DOCK1: variants seen among roughly 807,000 people sequenced by gnomAD.
The protein encoded by DOCK1 is dedicator of cytokinesis protein 1.
A neutral mutation model predicts 262.7 loss-of-function variants in DOCK1; 138 were observed. That is an observed-to-expected ratio of 0.53 (90% CI 0.46 to 0.61). The LOEUF is 0.61. Ranked by LOEUF, DOCK1 falls within the 20% of genes least tolerant of loss-of-function variation. The probability of loss-of-function intolerance (pLI) is 0.00; values close to 1 mark genes in which losing one functional copy is unlikely to be tolerated. For missense variants in DOCK1, 1,908 were observed against 2,370.7 expected (o/e 0.80, Z 4.05); for synonymous variants, 866 against 867.4 (o/e 1.00, Z 0.03).
chr10:127,282,373 A>G (rs1334221083), intron 29 of DOCK1, among the ~76,000 whole-genome samples: 1 of 152,174 alleles, frequency 6.6e-6, no homozygotes, highest in African/African-American at 2.4e-5. Flanking sequence ...GGACAAAGGC[A>G]TAGACTTGTT....
At chr10:127,107,026 T>C (rs960803317) in intron 24 of DOCK1, among the ~76,000 whole-genome samples, 13 of 152,084 alleles carry the variant, frequency 8.5e-5, no homozygotes, top group African/African-American at 3.1e-4. Context: ...GGCGCGATCA[T>C]AGCTCACTGC....
chr10:127,027,927 T>A (rs1564744404), intron 16 of DOCK1, among the ~76,000 whole-genome samples: 1 of 151,858 alleles, frequency 6.6e-6, no homozygotes, highest in Non-Finnish European at 1.5e-5. Context: ...GCCTGGTGTG[T>A]GGTCTGCAGA....
At chr10:127,277,683 A>C (rs2060792507) in intron 29 of DOCK1, among the ~76,000 whole-genome samples, 1 of 152,152 alleles carries the variant, frequency 6.6e-6, no homozygotes, top group Non-Finnish European at 1.5e-5. Flanking sequence ...GAATCGCTTG[A>C]ACCTGGGACG....
intron 27 of DOCK1, among the ~76,000 whole-genome samples, chr10:127,181,927 C>T (rs1490203454): frequency 6.6e-6 from 1 of 152,162 alleles, no homozygotes; most frequent in East Asian, 1.9e-4. Context: ...GATTCATTAT[C>T]CGGTTTAATT....
intron 18 of DOCK1, among the ~76,000 whole-genome samples, chr10:127,032,769 C>G (rs2043328926): frequency 1.3e-5 from 2 of 152,136 alleles, no homozygotes; most frequent in South Asian, 2.1e-4. Flanking sequence ...ATTGCCCAGG[C>G]TATTCCCAAA....
intron 19 of DOCK1, among the ~76,000 whole-genome samples, chr10:127,041,617 G>A (rs2044018881): frequency 6.6e-6 from 1 of 152,208 alleles, no homozygotes; most frequent in Non-Finnish European, 1.5e-5. Flanking sequence ...CTGTGTTTAA[G>A]TTTTTGAGGA....
At chr10:127,440,700 G>A (rs1392567653) in intron 49 of DOCK1, among the ~76,000 whole-genome samples, 2 of 152,324 alleles carry the variant, frequency 1.3e-5, no homozygotes, top group Admixed American at 6.5e-5. Context: ...GAAGGCAAAC[G>A]CCCCAGCCAT....
chr10:127,028,145 A>G (rs2043004529), intron 16 of DOCK1, among the ~76,000 whole-genome samples: 1 of 152,118 alleles, frequency 6.6e-6, no homozygotes, highest in South Asian at 2.1e-4. Context: ...CATGCAGGCC[A>G]GGGGTTCAGT....
rs144570240 is a variant in DOCK1 at position 127,119,121 on chromosome 10, G to C, written c.2624-6353G>C. 6.2e-4 allele frequency among the ~76,000 whole-genome samples: 93 copies of C among 151,084 alleles called. 2 individuals carry two copies. The East Asian group carries it at 0.017, about 28-fold the overall frequency. On this transcript the variant is annotated intron_variant, in intron 25 of 51. Transcript: ENST00000623213. ...TGCAGTGGCGCAATCTCGGCTTACT[G>C]CAAGCTCCGTCTCCCAGGTTCACGC...
rs199907612 is a variant in DOCK1, at chr10:126,997,505, G to A, written c.610-587G>A. On this transcript the variant is annotated intron_variant, in intron 7 of 51. Coordinates refer to ENST00000623213, the MANE Select transcript of DOCK1 (RefSeq NM_001290223.2). ...AGGAAGAGAGAGGGTGTGCGGGGGG[G>A]TGCTACACGCTACACTTTTAAACGA... Among the ~76,000 whole-genome samples, 3 of 144,448 alleles carry A rather than the reference G, an allele frequency of 2.1e-5. No homozygotes were observed. In the Admixed American group the frequency reaches 2.1e-4, roughly 10 times the overall value. The allele number at this position is 144,448 out of a possible 152,430, so 94.8% of individuals were successfully genotyped here. A position where few individuals can be genotyped will look rare whatever the true frequency, so the allele number is the denominator to read the frequency against.
At chr10:127,380,429 T>C (rs1310986572) in intron 36 of DOCK1, among the ~76,000 whole-genome samples, 1 of 152,172 alleles carries the variant, frequency 6.6e-6, no homozygotes, top group East Asian at 1.9e-4. Context: ...GATAAGCACA[T>C]AAATTTTAAT....
chr10:126,935,222 A>G (rs1237093890), intron 1 of DOCK1, among the ~76,000 whole-genome samples: 1 of 152,176 alleles, frequency 6.6e-6, no homozygotes, highest in Non-Finnish European at 1.5e-5. Context: ...TCCATGAAGA[A>G]CTCCGTGAAG....
chr10:126,951,451 A>T (rs2036232650), intron 1 of DOCK1, among the ~76,000 whole-genome samples: 1 of 150,438 alleles, frequency 6.6e-6, no homozygotes, highest in Non-Finnish European at 1.5e-5. Flanking sequence ...TAGTGTTGGT[A>T]GTATTGGTAG....
intron 23 of DOCK1, among the ~76,000 whole-genome samples, chr10:127,064,442 C>T (rs1011470661): frequency 2.0e-5 from 3 of 152,168 alleles, no homozygotes; most frequent in African/African-American, 7.2e-5. Context: ...GCATGGTCTC[C>T]AGCTAGAATT....
chr10:127,447,345 G>C (rs1254149187), intron 50 of DOCK1, 49 bp from the exon 51 acceptor site: 1 of 1,581,432 alleles, frequency 6.3e-7, no homozygotes, highest in Non-Finnish European at 8.6e-7. Context: ...TGAGCATTCA[G>C]GCTCCGTGGG....
At chr10:127,258,879 C>T (rs2059917006) in intron 29 of DOCK1, among the ~76,000 whole-genome samples, 1 of 152,202 alleles carries the variant, frequency 6.6e-6, no homozygotes, top group Non-Finnish European at 1.5e-5. Context: ...GATGGCTTTG[C>T]CTCTCTTTAA....
chr10:127,345,154 C>T (rs2063577095), intron 31 of DOCK1, among the ~76,000 whole-genome samples: 1 of 152,216 alleles, frequency 6.6e-6, no homozygotes, highest in Non-Finnish European at 1.5e-5. Flanking sequence ...ACGACAAAAT[C>T]ACCCAGTGAC....
chr10:127,067,903 A>G (rs569929813), intron 23 of DOCK1, among the ~76,000 whole-genome samples: 1 of 152,178 alleles, frequency 6.6e-6, no homozygotes, highest in South Asian at 2.1e-4. Context: ...AACTGGGGTG[A>G]AGATTAATTG....
intron 1 of DOCK1, among the ~76,000 whole-genome samples, chr10:126,949,236 C>T (rs958038895): frequency 3.3e-5 from 5 of 152,132 alleles, no homozygotes; most frequent in Non-Finnish European, 5.9e-5. Context: ...ACACACCCAG[C>T]TCCTGCTCTC....
Sources: allele counts gnomAD v4.1 joint callset (sites outside exome capture counted in the v4.1 genomes callset), GRCh38; gene constraint gnomAD v4.1.1; transcripts MANE v1.5; gene names NCBI Gene and HGNC (gene_info 2026-07-23, HGNC 2026-07-21).